Variants in FBXO15 observed in about 807,000 individuals in gnomAD.
FBXO15 encodes F-box protein 15.
In FBXO15, 30 loss-of-function variants were observed where a neutral mutation model predicts 49.5. The ratio of observed to expected loss-of-function variants is 0.61; its 90% CI spans 0.45 to 0.82. The LOEUF (loss-of-function observed/expected upper bound fraction) is 0.82, where lower values mean the gene tolerates loss of function less well. Among genes scored for constraint, FBXO15 ranks in the 40% least tolerant of loss-of-function variants. FBXO15 has a pLI of 0.00. For synonymous variants in FBXO15, 250 were observed against 232.7 expected, an observed-to-expected ratio of 1.07 and a Z score of -0.68; for missense variants, 591 against 631.5, an observed-to-expected ratio of 0.94 and a Z score of 0.69.
At chr18:74,109,330 C>T (rs57421564) in intron 8 of FBXO15, among the ~76,000 whole-genome samples, 6,043 of 152,238 alleles carry the variant, frequency 0.04, 415 homozygotes, top group African/African-American at 0.14. Flanking sequence ...CAGGAAACAA[C>T]AGATGCTTGA....
chr18:74,128,351 G>C (rs1978298876), intron 5 of FBXO15, among the ~76,000 whole-genome samples: 1 of 150,234 alleles, frequency 6.7e-6, no homozygotes, highest in Non-Finnish European at 1.5e-5. Context: ...AAAAAAAAGT[G>C]TCTGTATCCA....
intron 8 of FBXO15, among the ~76,000 whole-genome samples, chr18:74,117,670 G>T (rs76885190): frequency 0.05 from 7,551 of 152,200 alleles, 266 homozygotes; most frequent in East Asian, 0.12. Context: ...ATGGGGAGGT[G>T]AAAGTACCCA....
rs1429620848 is a variant in FBXO15, at chr18:74,075,849, C to T, written c.1264-2119G>A. On this transcript the variant is annotated intron_variant, in intron 9 of 9. Transcript: ENST00000419743. The surrounding 1 kb of genome is among the most constrained non-coding windows in gnomAD (Gnocchi z 4.1). ...GCCCTATTTTCACTCTATGTAATCT[C>T]TCCCCATAAATGGAACTCATCTACA... Among the ~76,000 whole-genome samples the T allele has an allele frequency of 1.3e-5, 2 of 152,212 alleles. No homozygotes were observed. The highest frequency in any genetic ancestry group is 1.3e-4 in the Admixed American group (2 of 15,290).
chr18:74,086,481 T>C (rs530266585), intron 8 of FBXO15, among the ~76,000 whole-genome samples: 156 of 152,350 alleles, frequency 1.0e-3, no homozygotes, highest in Middle Eastern at 3.4e-3. Flanking sequence ...CAGGCTGCAG[T>C]GCAGTGGTGC....
intron 8 of FBXO15, among the ~76,000 whole-genome samples, chr18:74,115,728 A>G (rs1914203728): frequency 6.6e-6 from 1 of 152,244 alleles, no homozygotes; most frequent in East Asian, 1.9e-4. Context: ...ATATATAGAT[A>G]TATCATAATG....
Position 74,073,453 on chromosome 18 carries a change from A to G in FBXO15, c.*8T>C. ...AACTAAATAACAACAATAATTTGCC[A>G]CCTACTGCTAATATTCAGTCCCAAA... On this transcript the variant is annotated 3_prime_UTR_variant, in exon 10 of 10. Coordinates refer to ENST00000419743, the MANE Select transcript of FBXO15 (RefSeq NM_001142958.2). The G allele has an allele frequency of 2.5e-6, 4 of 1,605,064 alleles. No individual in the cohort carries two copies. The highest frequency in any genetic ancestry group is 3.4e-6 in the Non-Finnish European group (4 of 1,175,222).
At chr18:74,094,348 C>T (rs1287384328) in intron 8 of FBXO15, among the ~76,000 whole-genome samples, 4 of 152,082 alleles carry the variant, frequency 2.6e-5, no homozygotes, top group African/African-American at 9.7e-5. Flanking sequence ...GTGGCCTCTC[C>T]CCTCCTTTCT....
chr18:74,082,014 T>C lies in FBXO15; in HGVS notation c.1176A>G (p.Ile392Met), dbSNP rs1223325881. 7.4e-6 allele frequency: 12 copies of C among 1,612,336 alleles called. No individual in the cohort carries two copies. Among genetic ancestry groups the C allele is most frequent in the African/African-American group, 1.3e-5 (1 of 74,888 alleles). The change falls in exon 9 of 10, where the codon ATA (isoleucine) becomes ATG (methionine). Residue 392 changes from isoleucine to methionine, a missense_variant. Ile to Met is a conservative substitution (Grantham distance 10). Coordinates refer to ENST00000419743, the MANE Select transcript of FBXO15 (RefSeq NM_001142958.2). ...GGTGTTCTCTGTTATTTTTTAAATGTATAACAATGAGCTTCACATGTCCAT... is the reference window on the plus strand; with the variant it reads ...GGTGTTCTCTGTTATTTTTTAAATGCATAACAATGAGCTTCACATGTCCAT... ...IENGHVKLIV[I>M]HLKNNREHLP...
At chr18:74,143,862 T>G (rs1979238882) in intron 1 of FBXO15, among the ~76,000 whole-genome samples, 1 of 152,174 alleles carries the variant, frequency 6.6e-6, no homozygotes, top group Non-Finnish European at 1.5e-5. Flanking sequence ...CACACACACA[T>G]GCACTTTGTG....
intron 8 of FBXO15, among the ~76,000 whole-genome samples, chr18:74,119,232 T>C (rs1052851906): frequency 6.6e-6 from 1 of 152,222 alleles, no homozygotes; most frequent in African/African-American, 2.4e-5. Context: ...AAAAAGATCC[T>C]GGCCAATGCG....
intron 1 of FBXO15, among the ~76,000 whole-genome samples, chr18:74,145,784 G>A (rs1330243745): frequency 6.6e-6 from 1 of 151,944 alleles, no homozygotes; most frequent in Non-Finnish European, 1.5e-5. Context: ...ATTTTTAGTA[G>A]AGACGGGGTT....
rs770666245 is a variant in FBXO15, at chr18:74,129,469, T to TTATG, written c.720_721insCATA (p.Thr241HisfsTer17). 9 of 1,613,984 alleles carry TTATG rather than the reference T, an allele frequency of 5.6e-6. No individual in the cohort carries two copies. Among genetic ancestry groups the TTATG allele is most frequent in the Non-Finnish European group, 6.8e-6 (8 of 1,179,966 alleles). On this transcript the variant is annotated frameshift_variant, in exon 5 of 10. Coordinates refer to ENST00000419743, the MANE Select transcript of FBXO15 (RefSeq NM_001142958.2). LOFTEE classifies it high-confidence loss of function. ...GGTGTCATGCCACATAAATCTAAGG[T>TTATG]TGACAATGATGCTAGGCATGGCCAT...
At position 74,113,934 on chromosome 18, in the gene FBXO15, A is replaced by T. The variant is rs573295914; in HGVS notation, c.1138+9434T>A. Among the ~76,000 whole-genome samples the T allele has an allele frequency of 5.8e-4, 88 of 152,350 alleles. 1 individual carries two copies. Among genetic ancestry groups the T allele is most frequent in the African/African-American group, 2.1e-3 (87 of 41,584 alleles). ...TCACCTCATCAAAGTGCTCATGGAC[A>T]GCTATGCTGAAAATAGTTCACACAG... On this transcript the variant is annotated intron_variant, in intron 8 of 9. Transcript: ENST00000419743.
intron 8 of FBXO15, among the ~76,000 whole-genome samples, chr18:74,101,650 T>C (rs1027262190): frequency 2.0e-5 from 3 of 152,236 alleles, no homozygotes; most frequent in Middle Eastern, 3.4e-3. Flanking sequence ...AGAGCCTGCA[T>C]AGCCAAAGCA....
At chr18:74,089,615 G>GT (rs1291293342) in intron 8 of FBXO15, among the ~76,000 whole-genome samples, 4 of 152,112 alleles carry the variant, frequency 2.6e-5, no homozygotes, top group African/African-American at 2.4e-5. Flanking sequence ...TTTCTTGAAG[G>GT]TTTTTATCAT....
intron 8 of FBXO15, among the ~76,000 whole-genome samples, chr18:74,114,424 C>A (rs182592752): frequency 6.6e-6 from 1 of 152,276 alleles, no homozygotes; most frequent in Non-Finnish European, 1.5e-5. Context: ...AAATCTTAAC[C>A]AATAATGCAA....
At chr18:74,117,199 T>A (rs1914268533) in intron 8 of FBXO15, among the ~76,000 whole-genome samples, 2 of 152,164 alleles carry the variant, frequency 1.3e-5, no homozygotes, top group South Asian at 4.1e-4. Flanking sequence ...AGTGCAACCA[T>A]GGGAAGTAGA....
intron 9 of FBXO15, among the ~76,000 whole-genome samples, chr18:74,078,109 G>A (rs191113931): frequency 1.9e-3 from 290 of 152,226 alleles, no homozygotes; most frequent in African/African-American, 4.9e-3. Flanking sequence ...GCCCTAAGCC[G>A]TCGGTGGGTG....
rs1467778195 is a variant in FBXO15 at position 74,130,484 on chromosome 18, T to TGCG, written c.504_506dup (p.Ala169dup). On this transcript the variant is annotated inframe_insertion, in exon 4 of 10. Coordinates refer to ENST00000419743, the MANE Select transcript of FBXO15 (RefSeq NM_001142958.2). ...TGACAGGTTTGAGAATGTCAGCTAGTGCGGCTTTTACAGATGCTATTTGTT... is the reference window on the plus strand; with the variant it reads ...TGACAGGTTTGAGAATGTCAGCTAGTGCGGCGGCTTTTACAGATGCTATTTGTT... 3.0e-5 allele frequency: 49 copies of TGCG among 1,614,104 alleles called. No individual in the cohort carries two copies. Among genetic ancestry groups the TGCG allele is most frequent in the Non-Finnish European group, 4.1e-5 (48 of 1,180,034 alleles).
Sources: allele counts gnomAD v4.1 joint callset (sites outside exome capture counted in the v4.1 genomes callset), GRCh38; gene constraint gnomAD v4.1.1; non-coding constraint Gnocchi (gnomAD v3.1); transcripts MANE v1.5; gene names NCBI Gene and HGNC (gene_info 2026-07-23, HGNC 2026-07-21).